NUP155: variants seen among roughly 807,000 people sequenced by gnomAD.
The protein encoded by NUP155 is nuclear pore complex protein Nup155.
NUP155 carries 71 observed loss-of-function variants against 180.4 expected under a neutral mutation model. The observed-to-expected ratio is 0.39, with a 90% CI of 0.33 to 0.48. NUP155 has a LOEUF of 0.48. Ranked by LOEUF, NUP155 falls within the 20% of genes least tolerant of loss-of-function variation. The pLI is 0.91. For synonymous variants in NUP155, 582 were observed against 559.5 expected, an observed-to-expected ratio of 1.04 and a Z score of -0.57; for missense variants, 1,553 against 1,648.9, an observed-to-expected ratio of 0.94 and a Z score of 1.01.
chr5:37,352,034 C>T (rs1183754226), intron 5 of NUP155, among the ~76,000 whole-genome samples: 1 of 151,346 alleles, frequency 6.6e-6, no homozygotes, highest in African/African-American at 2.4e-5. Flanking sequence ...ACCAGCCTGA[C>T]CAACATGAAG....
At chr5:37,302,317 C>T (rs1177186477) in intron 29 of NUP155, among the ~76,000 whole-genome samples, 5 of 152,212 alleles carry the variant, frequency 3.3e-5, no homozygotes, top group African/African-American at 7.2e-5. Flanking sequence ...ACTGCAACCT[C>T]CGCTTCCTGG....
At chr5:37,350,819 T>TAAA (rs57132136) in intron 6 of NUP155, among the ~76,000 whole-genome samples, 1 of 100,486 alleles carries the variant, frequency 1.0e-5, no homozygotes, top group Non-Finnish European at 2.1e-5. Context: ...CCATCACATT[T>TAAA]AAAAAAAAAA....
intron 11 of NUP155, among the ~76,000 whole-genome samples, chr5:37,340,068 T>C: frequency 6.6e-6 from 1 of 151,190 alleles, no homozygotes; most frequent in Middle Eastern, 3.2e-3. Flanking sequence ...CCCACCTCAC[T>C]TTTTTTGCAG....
intron 9 of NUP155, among the ~76,000 whole-genome samples, chr5:37,345,807 G>A (rs568363357): frequency 6.6e-6 from 1 of 151,516 alleles, no homozygotes; most frequent in Admixed American, 6.6e-5. Context: ...GGGAGGGTGA[G>A]GCAGGAGCAT....
At chr5:37,333,227 C>A (rs1161205330) in intron 13 of NUP155, among the ~76,000 whole-genome samples, 1 of 151,716 alleles carries the variant, frequency 6.6e-6, no homozygotes, top group East Asian at 1.9e-4. Flanking sequence ...TGGTGGTGTG[C>A]GCCTGTAATC....
intron 32 of NUP155, 128 bp from the exon 33 acceptor site, chr5:37,294,593 G>T: frequency 1.1e-6 from 1 of 937,628 alleles, no homozygotes. Flanking sequence ...TTTTGGGGCG[G>T]GGGGTTTTTT....
chr5:37,357,094 G>T (rs760000466), intron 4 of NUP155, among the ~76,000 whole-genome samples: 8 of 149,814 alleles, frequency 5.3e-5, no homozygotes, highest in African/African-American at 1.5e-4. Flanking sequence ...GCAACAGAGC[G>T]AGACTCTGTC....
At chr5:37,333,910 T>A in intron 12 of NUP155, among the ~76,000 whole-genome samples, 1 of 151,976 alleles carries the variant, frequency 6.6e-6, no homozygotes, top group Middle Eastern at 3.2e-3. Flanking sequence ...CAAGTGATTC[T>A]CCTGCCTCAG....
chr5:37,335,055 T>C (rs917482627), intron 12 of NUP155, among the ~76,000 whole-genome samples: 28 of 150,704 alleles, frequency 1.9e-4, no homozygotes, highest in Admixed American at 1.3e-3. Flanking sequence ...CTACTCTGGA[T>C]GCTGAGGCAG....
At chr5:37,305,539 G>A (rs1209983328) in intron 25 of NUP155, among the ~76,000 whole-genome samples, 3 of 151,996 alleles carry the variant, frequency 2.0e-5, no homozygotes, top group East Asian at 1.9e-4. Flanking sequence ...AAAATTAGCC[G>A]GGCTTGGTGG....
In NUP155 at chr5:37,327,726, C is replaced by T; in HGVS notation, c.1927G>A (p.Ala643Thr). 6.2e-7 allele frequency: 1 copy of T among 1,614,146 alleles called. No individual in the cohort carries two copies. Among genetic ancestry groups the T allele is most frequent in the Non-Finnish European group, 8.5e-7 (1 of 1,180,014 alleles). The change falls in exon 18 of 35, where the codon GCA becomes ACA. Residue 643 changes from alanine to threonine, a missense_variant. Ala to Thr is a moderately conservative substitution (Grantham distance 58). Coordinates refer to ENST00000231498, the MANE Select transcript of NUP155 (RefSeq NM_153485.3). ...STPVCALGNP[A>T]TQATNMSCVT... ...CAACTCATATTTGTGGCCTGAGTTG[C>T]TGGGTTTCCCAGAGCACACACTGGA...
intron 4 of NUP155, among the ~76,000 whole-genome samples, chr5:37,357,827 T>C (rs944250455): frequency 1.3e-5 from 2 of 152,014 alleles, no homozygotes; most frequent in African/African-American, 4.8e-5. Context: ...GCCCCGTCTC[T>C]ACTAAAAATA....
At position 37,318,482 on chromosome 5, in the gene NUP155, TA is replaced by T. The variant is rs576072235; in HGVS notation, c.2208-398del. On this transcript the variant is annotated intron_variant, in intron 20 of 34. Transcript: ENST00000231498. ...AGAAACATAGATTGAGTATCCCTAA[TA>T]AAAAAAAAAACTAACATCTGAAATG... Among the ~76,000 whole-genome samples the T allele has an allele frequency of 1.2e-4, 17 of 145,470 alleles. No individual in the cohort carries two copies. In the South Asian group the frequency reaches 1.5e-3, roughly 13 times the overall value.
intron 3 of NUP155, 34 bp downstream of exon 3, chr5:37,363,854 T>C: frequency 1.5e-6 from 2 of 1,373,638 alleles, no homozygotes; most frequent in Non-Finnish European, 1.0e-6. Flanking sequence ...TAAATTCCAA[T>C]CACCCTTAAA....
intron 5 of NUP155, among the ~76,000 whole-genome samples, chr5:37,352,261 G>A (rs1206907712): frequency 1.3e-5 from 2 of 152,176 alleles, no homozygotes; most frequent in Non-Finnish European, 2.9e-5. Context: ...GGGAGGCTGA[G>A]GCAGGAGAAT....
chr5:37,322,174 G>A (rs1744287656), intron 20 of NUP155, among the ~76,000 whole-genome samples: 1 of 151,952 alleles, frequency 6.6e-6, no homozygotes, highest in African/African-American at 2.4e-5. Flanking sequence ...TTTTTGTAGT[G>A]ACAAGGTCTC....
Position 37,363,998 on chromosome 5 carries a change from G to C in NUP155, c.296-14C>G. The C allele has an allele frequency of 6.4e-7, 1 of 1,554,376 alleles. No individual in the cohort carries two copies. Among genetic ancestry groups the C allele is most frequent in the Non-Finnish European group, 8.9e-7 (1 of 1,125,570 alleles). ...TACACTGCATATCTGAGGTAGTGTG[G>C]ATGTAAGGCAGACAGAGGTGAATCT... On this transcript the variant is annotated splice_polypyrimidine_tract_variant and intron_variant, in intron 2 of 34. Transcript: ENST00000231498.
intron 1 of NUP155, among the ~76,000 whole-genome samples, chr5:37,368,068 A>G (rs1051950264): frequency 2.6e-5 from 4 of 152,126 alleles, no homozygotes; most frequent in African/African-American, 9.6e-5. Flanking sequence ...GGCGTGAGCC[A>G]CCGCACCCAG....
chr5:37,370,698 T>C, intron 1 of NUP155, 123 bp downstream of exon 1: 2 of 1,609,324 alleles, frequency 1.2e-6, no homozygotes, highest in Non-Finnish European at 1.7e-6. Context: ...TCTCCAAAAA[T>C]GCAGCCAACA....
Sources: allele counts gnomAD v4.1 joint callset (sites outside exome capture counted in the v4.1 genomes callset), GRCh38; gene constraint gnomAD v4.1.1; transcripts MANE v1.5; gene names NCBI Gene and HGNC (gene_info 2026-07-23, HGNC 2026-07-21).